The following NFE2L3 variants were observed in gnomAD, a reference collection of about 807,000 sequenced individuals.
NFE2L3 encodes nuclear factor erythroid 2-related factor 3.
Under a neutral mutation model 23.5 loss-of-function variants are expected in NFE2L3, and 18 were observed. The ratio of observed to expected loss-of-function variants is 0.77; its 90% confidence interval spans 0.53 to 1.13. NFE2L3 has a LOEUF of 1.13. NFE2L3 is among the 50% of genes most tolerant of loss of function. The probability of loss-of-function intolerance (pLI) is 0.00; values close to 1 mark genes in which losing one functional copy is unlikely to be tolerated. For synonymous variants in NFE2L3, 424 were observed against 354.5 expected (o/e 1.20, Z -2.20); for missense variants, 1,152 against 877.2 (o/e 1.31, Z -3.96).
At position 26,184,986 on chromosome 7, in the gene NFE2L3, ACCTCTGTCATCAAGTCTAATT is replaced by A. The variant is rs1193428750; in HGVS notation, c.1294_1314del (p.Val432_Ser438del). On this transcript the variant is annotated inframe_deletion, in exon 4 of 4. Coordinates refer to ENST00000056233, the MANE Select transcript of NFE2L3 (RefSeq NM_004289.7). Reference sequence around the variant, plus strand: ...TTCTTTAGATTCAAGTCACAATAATACCTCTGTCATCAAGTCTAATTCCTCTCACTCTGTGTGTGATGAAGG... The same window carrying A: ...TTCTTTAGATTCAAGTCACAATAATACCTCTCACTCTGTGTGTGATGAAGG... The A allele has an allele frequency of 6.2e-7, 1 of 1,613,678 alleles. No homozygotes were observed. Among genetic ancestry groups the A allele is most frequent in the Non-Finnish European group, 8.5e-7 (1 of 1,179,806 alleles).
intron 1 of NFE2L3, among the ~76,000 whole-genome samples, chr7:26,155,437 G>T (rs1201129774): frequency 4.6e-5 from 7 of 152,016 alleles, no homozygotes. Context: ...GTGAGACTCT[G>T]TCTCAAAAAG....
At position 26,178,093 on chromosome 7, in the gene NFE2L3, G is replaced by C; in HGVS notation, c.721G>C (p.Ala241Pro). The part of the protein sequence containing the change: ...NKIAEKPDWE[A>P]EKTTESRNER... ...AATAGCAGAGAAACCTGACTGGGAG[G>C]CAGAAAAGACCACTGAATCTAGAAA... The change falls in exon 2 of 4, where the codon GCA (alanine) becomes CCA (proline). Residue 241 changes from alanine (A) to proline (P), a missense_variant. Ala to Pro is a conservative substitution (Grantham distance 27). Coordinates refer to ENST00000056233, the MANE Select transcript of NFE2L3 (RefSeq NM_004289.7). 6.2e-7 allele frequency: 1 copy of C among 1,613,804 alleles called. No individual in the cohort carries two copies. The highest frequency in any genetic ancestry group is 8.5e-7 in the Non-Finnish European group (1 of 1,179,902).
chr7:26,177,913 C>T (rs376847159), intron 1 of NFE2L3, 30 bp from the exon 2 acceptor site: 52 of 1,592,610 alleles, frequency 3.3e-5, no homozygotes, highest in African/African-American at 4.1e-5. Context: ...AGACTGTTTG[C>T]TTATTTGATG....
In NFE2L3 at chr7:26,169,374, C is replaced by T. The variant is rs142748521; in HGVS notation, c.571-8569C>T. Among the ~76,000 whole-genome samples the T allele has an allele frequency of 2.0e-4, 30 of 152,338 alleles. 1 individual carries two copies. In the East Asian group the frequency reaches 5.4e-3, roughly 27 times the overall value. ...GATGCAGGCTGGCAGAACCCAGCACCTGGGCTGACATGGATGCATCAGACT... is the reference window on the plus strand; with the variant it reads ...GATGCAGGCTGGCAGAACCCAGCACTTGGGCTGACATGGATGCATCAGACT... On this transcript the variant is annotated intron_variant, in intron 1 of 3. Coordinates refer to ENST00000056233, the MANE Select transcript of NFE2L3 (RefSeq NM_004289.7).
rs1413447051 is a variant in NFE2L3 at position 26,184,670 on chromosome 7, C to A, written c.972C>A (p.Asn324Lys). The change falls in exon 4 of 4, where the codon AAC (asparagine) becomes AAA (lysine). Residue 324 changes from asparagine to lysine, a missense_variant. Asn to Lys is a moderately conservative substitution (Grantham distance 94, BLOSUM62 0). Transcript: ENST00000056233. ...ATGAGGCCATCTTGCTTTGTCCCAA[C>A]AATACATTTAGAAGAGATCCAACAG... ...NLHEAILLCP[N>K]NTFRRDPTAR... is the part of the protein sequence containing the mutation. The A allele has an allele frequency of 6.2e-7, 1 of 1,613,778 alleles. No homozygotes were observed. The highest frequency in any genetic ancestry group is 8.5e-7 in the Non-Finnish European group (1 of 1,179,848).
In NFE2L3 at chr7:26,187,089, G is replaced by T. The variant is rs184771767; in HGVS notation, c.*1306G>T. On this transcript the variant is annotated 3_prime_UTR_variant, in exon 4 of 4. Transcript: ENST00000056233. ...TAGAGAAATGCAGTTTATATATACC[G>T]TTGGATTTTTATAATAAAGTTTCCC... The T allele has an allele frequency of 6.6e-6, 1 of 152,140 alleles. No homozygotes were observed. The highest frequency in any genetic ancestry group is 6.5e-5 in the Admixed American group (1 of 15,268). The allele number at this position is 152,140 out of a possible 1,614,324, so 9.4% of individuals were successfully genotyped here. A position where few individuals can be genotyped will look rare whatever the true frequency, so the allele number is the denominator to read the frequency against.
In NFE2L3 at chr7:26,162,388, C is replaced by T. The variant is rs1043140797; in HGVS notation, c.570+9320C>T. On this transcript the variant is annotated intron_variant, in intron 1 of 3. Transcript: ENST00000056233. The stretch of plus-strand genomic sequence containing the variant: ...AGGTATTGATGATAAGAGTGCTGAT[C>T]ATTGTTGAAACTGGGTAATAGTTAC... 2.0e-5 allele frequency among the ~76,000 whole-genome samples: 3 copies of T among 151,952 alleles called. 1 individual carries two copies. Among genetic ancestry groups the T allele is most frequent in the South Asian group, 4.2e-4 (2 of 4,808 alleles).
chr7:26,162,156 A>G (rs893726465), intron 1 of NFE2L3, among the ~76,000 whole-genome samples: 3 of 152,016 alleles, frequency 2.0e-5, no homozygotes, highest in African/African-American at 7.3e-5. Context: ...AAAAAAAAAA[A>G]AAATTCATTC....
chr7:26,183,314 T>G (rs556619201), intron 2 of NFE2L3, among the ~76,000 whole-genome samples: 4 of 152,026 alleles, frequency 2.6e-5, no homozygotes, highest in African/African-American at 7.2e-5. Context: ...TTGGGAGGCC[T>G]AGGTGGGTGG....
At chr7:26,184,434 G>A (rs924097796) in intron 3 of NFE2L3, 99 bp from the exon 4 acceptor site, 4 of 1,061,372 alleles carry the variant, frequency 3.8e-6, no homozygotes, top group Admixed American at 2.3e-5. Context: ...ATTAAATGTA[G>A]AGGAATTGAC....
intron 1 of NFE2L3, among the ~76,000 whole-genome samples, chr7:26,175,614 A>G (rs1390566636): frequency 6.6e-6 from 1 of 151,706 alleles, no homozygotes; most frequent in Non-Finnish European, 1.5e-5. Flanking sequence ...TGTGTCTACT[A>G]AAAATACAAC....
At position 26,184,365 on chromosome 7, in the gene NFE2L3, A is replaced by ATC. The variant is rs1210982531; in HGVS notation, c.835-165_835-164dup. On this transcript the variant is annotated intron_variant, in intron 3 of 3. Coordinates refer to ENST00000056233, the MANE Select transcript of NFE2L3 (RefSeq NM_004289.7). Reference sequence around the variant, plus strand: ...TCCAGGTATTCTGATTTGGACTCACATCTCGTATTGTATTGCCTGTATTTA... The same window carrying ATC: ...TCCAGGTATTCTGATTTGGACTCACATCTCTCGTATTGTATTGCCTGTATTTA... 3 of 594,714 alleles carry ATC rather than the reference A, an allele frequency of 5.0e-6. No homozygotes were observed. In the African/African-American group the frequency reaches 5.8e-5, roughly 12 times the overall value. 36.8% of individuals were successfully genotyped at this position (594,714 alleles called of 1,614,324 possible). A position where few individuals can be genotyped will look rare whatever the true frequency, so the allele number is the denominator to read the frequency against.
chr7:26,181,721 A>G (rs768986343), intron 2 of NFE2L3, among the ~76,000 whole-genome samples: 7 of 152,172 alleles, frequency 4.6e-5, no homozygotes, highest in South Asian at 2.1e-4. Flanking sequence ...AAGACTCTAA[A>G]TCAGTGTTTA....
At chr7:26,154,136 T>C (rs1301676456) in intron 1 of NFE2L3, among the ~76,000 whole-genome samples, 1 of 152,154 alleles carries the variant, frequency 6.6e-6, no homozygotes, top group Admixed American at 6.5e-5. Flanking sequence ...GTGGAAGTGC[T>C]CGGTGATTCA....
chr7:26,172,985 C>T (rs1784348783), intron 1 of NFE2L3, among the ~76,000 whole-genome samples: 1 of 152,014 alleles, frequency 6.6e-6, no homozygotes. Context: ...TCATCATTCT[C>T]CTTTTATATT....
Position 26,177,970 on chromosome 7 carries a change from G to A in NFE2L3, c.598G>A (p.Glu200Lys), listed in dbSNP as rs770073786. 5.0e-6 allele frequency: 8 copies of A among 1,613,660 alleles called. No homozygotes were observed. Among genetic ancestry groups the A allele is most frequent in the African/African-American group, 1.3e-5 (1 of 75,008 alleles). ...EENGVLREKHEAVDHSSQHEE... is the reference protein window; with the variant it reads ...EENGVLREKHKAVDHSSQHEE... Reference sequence around the variant, plus strand: ...GAATGGGGTACTAAGAGAAAAGCACGAAGCTGTGGATCATAGTTCCCAGCA... The same window carrying A: ...GAATGGGGTACTAAGAGAAAAGCACAAAGCTGTGGATCATAGTTCCCAGCA... The change falls in exon 2 of 4, where the codon GAA becomes AAA. Residue 200 changes from glutamate to lysine, a missense_variant. Glu to Lys is a moderately conservative substitution (Grantham distance 56). Coordinates refer to ENST00000056233, the MANE Select transcript of NFE2L3 (RefSeq NM_004289.7).
chr7:26,182,052 TTTATGGCAAAA>T (rs1454952766), intron 2 of NFE2L3, among the ~76,000 whole-genome samples: 1 of 151,928 alleles, frequency 6.6e-6, no homozygotes, highest in Non-Finnish European at 1.5e-5. Flanking sequence ...TTAAAATGAG[TTTATGGCAAAA>T]TATTTCCAGA....
intron 1 of NFE2L3, 130 bp from the exon 2 acceptor site, chr7:26,177,813 T>A: frequency 1.3e-6 from 1 of 771,076 alleles, no homozygotes; most frequent in Non-Finnish European, 2.1e-6. Context: ...ATTAAATGTT[T>A]CTTTGATACT....
chr7:26,180,526 A>G (rs990695787), intron 2 of NFE2L3, among the ~76,000 whole-genome samples: 1 of 152,216 alleles, frequency 6.6e-6, no homozygotes, highest in African/African-American at 2.4e-5. Flanking sequence ...AACCATATAT[A>G]TGTTGAAGAG....
Sources: gnomAD v4.1 joint callset for allele counts (sites outside exome capture counted in the v4.1 genomes callset) on GRCh38, gnomAD v4.1.1 for gene constraint, MANE v1.5 for transcripts, NCBI Gene and HGNC (gene_info 2026-07-23, HGNC 2026-07-21) for gene names.